The following FOXP2 variants were observed in gnomAD, a reference collection of about 807,000 sequenced individuals.
The protein encoded by FOXP2 is forkhead box P2, also known as forkhead box protein P2.
FOXP2 carries 12 observed loss-of-function variants against 115.8 expected under a neutral mutation model. That is an observed-to-expected ratio of 0.10 (90% CI 0.07 to 0.17). FOXP2 has a LOEUF of 0.17. Ranked by LOEUF, FOXP2 falls within the 10% of genes least tolerant of loss-of-function variation. The pLI is 1.00. For missense variants in FOXP2, 629 were observed against 843.5 expected, an observed-to-expected ratio of 0.75 and a Z score of 3.15; for synonymous variants, 328 against 297.7, an observed-to-expected ratio of 1.10 and a Z score of -1.05.
intron 2 of FOXP2, among the ~76,000 whole-genome samples, chr7:114,291,407 C>T (rs1796586582): frequency 6.6e-6 from 1 of 152,082 alleles, no homozygotes; most frequent in Non-Finnish European, 1.5e-5. Flanking sequence ...GGGGACAACA[C>T]AAATATTCAG....
At chr7:114,282,950 G>A (rs1373718109) in intron 1 of FOXP2, among the ~76,000 whole-genome samples, 1 of 152,100 alleles carries the variant, frequency 6.6e-6, no homozygotes, top group African/African-American at 2.4e-5. Flanking sequence ...AATAATGTAG[G>A]CACTGCTGCC....
At chr7:114,132,907 T>C (rs1181438556) in intron 1 of FOXP2, among the ~76,000 whole-genome samples, 1 of 152,098 alleles carries the variant, frequency 6.6e-6, no homozygotes, top group Non-Finnish European at 1.5e-5. Context: ...GGGTTTTGAG[T>C]AGATGAGTAT....
At chr7:114,597,914 A>G (rs1009181162) in intron 3 of FOXP2, among the ~76,000 whole-genome samples, 1 of 152,192 alleles carries the variant, frequency 6.6e-6, no homozygotes, top group Admixed American at 6.6e-5. Flanking sequence ...AGTCAAGCCA[A>G]TATGGACAGT....
At chr7:114,310,616 T>C (rs1181589441) in intron 2 of FOXP2, among the ~76,000 whole-genome samples, 6 of 152,100 alleles carry the variant, frequency 3.9e-5, no homozygotes, top group Non-Finnish European at 5.9e-5. Context: ...GAGTTTCTAG[T>C]TGAAGCTGTG....
chr7:114,454,463 A>AC (rs1795203052), intron 2 of FOXP2, among the ~76,000 whole-genome samples: 1 of 151,940 alleles, frequency 6.6e-6, no homozygotes, highest in Non-Finnish European at 1.5e-5. Flanking sequence ...CAGTGTGGCG[A>AC]TTCCTCAGGG....
At chr7:114,664,067 C>T (rs966841983) in intron 15 of FOXP2, among the ~76,000 whole-genome samples, 2 of 152,188 alleles carry the variant, frequency 1.3e-5, no homozygotes, top group South Asian at 2.1e-4. Context: ...GCTGCAAGGA[C>T]GATTGTTTAT....
intron 2 of FOXP2, among the ~76,000 whole-genome samples, chr7:114,497,168 T>C (rs1797358760): frequency 1.3e-5 from 2 of 152,206 alleles, no homozygotes; most frequent in Admixed American, 6.6e-5. Context: ...GACACACTCA[T>C]AGTAAAATAA....
chr7:114,558,517 C>T (rs1441198002), intron 3 of FOXP2, among the ~76,000 whole-genome samples: 1 of 152,146 alleles, frequency 6.6e-6, no homozygotes, highest in Non-Finnish European at 1.5e-5. Flanking sequence ...CCAACCCTAC[C>T]CTACCACCCT....
chr7:114,388,291 A>T (rs966483288), intron 2 of FOXP2, among the ~76,000 whole-genome samples: 7 of 152,044 alleles, frequency 4.6e-5, no homozygotes, highest in Non-Finnish European at 1.0e-4. Flanking sequence ...AGTTGTAACC[A>T]CATATTTCAA....
At chr7:114,677,952 G>C (rs1298118447) in intron 16 of FOXP2, among the ~76,000 whole-genome samples, 1 of 152,140 alleles carries the variant, frequency 6.6e-6, no homozygotes, top group African/African-American at 2.4e-5. Context: ...TGTCTACAGA[G>C]GTAAAACTCT....
chr7:114,124,710 C>T (rs1046104983), intron 1 of FOXP2, among the ~76,000 whole-genome samples: 2 of 151,978 alleles, frequency 1.3e-5, no homozygotes, highest in African/African-American at 2.4e-5. Flanking sequence ...TTCTCATCCT[C>T]ATCCTCTTTC....
intron 1 of FOXP2, among the ~76,000 whole-genome samples, chr7:114,287,256 G>GA (rs970550773): frequency 4.5e-4 from 65 of 145,858 alleles, no homozygotes; most frequent in South Asian, 8.7e-4. Context: ...AACTAAAAAA[G>GA]AAAAAAAAAA....
At chr7:114,189,521 AAG>A (rs1562998126) in intron 1 of FOXP2, among the ~76,000 whole-genome samples, 1 of 152,278 alleles carries the variant, frequency 6.6e-6, no homozygotes, top group East Asian at 1.9e-4. Flanking sequence ...GAGTTGGAGA[AAG>A]ACTTGGATAG....
intron 2 of FOXP2, among the ~76,000 whole-genome samples, chr7:114,383,049 G>T (rs1177024850): frequency 6.6e-6 from 1 of 152,166 alleles, no homozygotes; most frequent in Non-Finnish European, 1.5e-5. Context: ...TTCCTCTGTT[G>T]TCATCCTGTC....
chr7:114,450,819 G>A (rs1795041146), intron 2 of FOXP2, among the ~76,000 whole-genome samples: 1 of 151,892 alleles, frequency 6.6e-6, no homozygotes, highest in African/African-American at 2.4e-5. Flanking sequence ...AGTACATAGA[G>A]GGATGCATAT....
intron 1 of FOXP2, among the ~76,000 whole-genome samples, chr7:114,237,646 T>A (rs79328870): frequency 6.8e-6 from 1 of 146,020 alleles, no homozygotes; most frequent in African/African-American, 2.6e-5. Context: ...CTTTCCTTGC[T>A]TTTTTTTTTG....
At chr7:114,538,132 A>G (rs979885145) in intron 3 of FOXP2, among the ~76,000 whole-genome samples, 3 of 151,712 alleles carry the variant, frequency 2.0e-5, no homozygotes, top group African/African-American at 7.2e-5. Flanking sequence ...TCAGTTTAGA[A>G]AGAGTAAGTT....
chr7:114,493,721 G>T (rs1797179360), intron 2 of FOXP2, among the ~76,000 whole-genome samples: 1 of 151,668 alleles, frequency 6.6e-6, no homozygotes, highest in African/African-American at 2.4e-5. Flanking sequence ...CACACAAGTG[G>T]ATTTACTAAA....
intron 1 of FOXP2, among the ~76,000 whole-genome samples, chr7:114,425,263 G>T (rs1272917050): frequency 1.3e-5 from 2 of 151,562 alleles, no homozygotes; most frequent in Admixed American, 6.6e-5. Context: ...TAGATTGAGT[G>T]ATAAGTTTAC....
Sources: gnomAD v4.1 joint callset for allele counts (sites outside exome capture counted in the v4.1 genomes callset) on GRCh38, gnomAD v4.1.1 for gene constraint, MANE v1.5 for transcripts, NCBI Gene and HGNC (gene_info 2026-07-23, HGNC 2026-07-21) for gene names.